SFI1: variants seen among roughly 807,000 people sequenced by gnomAD.
SFI1 encodes SFI1 centrin binding protein, also known as protein SFI1 homolog.
In SFI1, 195 loss-of-function variants were observed where a neutral mutation model predicts 207.5. The ratio of observed to expected loss-of-function variants is 0.94; its 90% CI spans 0.84 to 1.06. The LOEUF is 1.06. Among genes scored for constraint, SFI1 ranks in the 50% least tolerant of loss-of-function variants. The pLI is 0.00. For synonymous variants in SFI1, 630 were observed against 598.9 expected, an observed-to-expected ratio of 1.05 and a Z score of -0.76; for missense variants, 1,634 against 1,588.0, an observed-to-expected ratio of 1.03 and a Z score of -0.49.
chr22:31,594,128 G>T (rs903636210), intron 15 of SFI1, among the ~76,000 whole-genome samples: 2 of 152,118 alleles, frequency 1.3e-5, no homozygotes, highest in African/African-American at 2.4e-5. Context: ...TAGCTTTCTG[G>T]ATCAGAGCAC....
intron 2 of SFI1, among the ~76,000 whole-genome samples, chr22:31,516,066 T>A (rs1275926755): frequency 6.6e-6 from 1 of 152,030 alleles, no homozygotes; most frequent in East Asian, 1.9e-4. Flanking sequence ...TATTCAAGTC[T>A]TATTCCTGTT....
Position 31,515,592 on chromosome 22 carries a change from C to A in SFI1, c.92+7216C>A, listed in dbSNP as rs113688401. Among the ~76,000 whole-genome samples, 1,490 of 150,896 alleles carry A rather than the reference C, an allele frequency of 9.9e-3. 15 individuals carry two copies. The highest frequency in any genetic ancestry group is 0.011 in the Non-Finnish European group (755 of 67,846). The stretch of plus-strand genomic sequence containing the variant: ...TGTAGACAGGGTCTTGCTTGGTTGC[C>A]CACGCTGGTCTTGAACTCCAGAGCT... On this transcript the variant is annotated intron_variant, in intron 2 of 32. Coordinates refer to ENST00000400288, the MANE Select transcript of SFI1 (RefSeq NM_001007467.3).
intron 29 of SFI1, 173 bp downstream of exon 29, chr22:31,615,452 G>A: frequency 2.0e-6 from 1 of 511,318 alleles, no homozygotes; most frequent in Middle Eastern, 5.3e-4. Flanking sequence ...GGCCACAGCA[G>A]TGAACAGCCA....
intron 4 of SFI1, among the ~76,000 whole-genome samples, chr22:31,535,663 C>T (rs575517088): frequency 2.0e-4 from 30 of 152,216 alleles, no homozygotes; most frequent in African/African-American, 6.5e-4. Context: ...GGATTACAGA[C>T]GTGCACCACC....
intron 2 of SFI1, among the ~76,000 whole-genome samples, chr22:31,514,720 A>C (rs1400382108): frequency 2.0e-5 from 3 of 151,468 alleles, no homozygotes; most frequent in African/African-American, 7.3e-5. Flanking sequence ...ATTTCACTTA[A>C]TATAATGTTC....
chr22:31,572,807 C>T (rs1337405409), intron 8 of SFI1: 1 of 322,940 alleles, frequency 3.1e-6, no homozygotes, highest in African/African-American at 2.1e-5. Flanking sequence ...CAGCCATCTG[C>T]TTTCTGCTTG....
chr22:31,605,094 C>A, intron 20 of SFI1, 149 bp downstream of exon 20: 1 of 655,990 alleles, frequency 1.5e-6, no homozygotes. Context: ...TTTTCCACTT[C>A]ACTCACGGGT....
At chr22:31,535,846 T>C (rs183821308) in intron 4 of SFI1, among the ~76,000 whole-genome samples, 10 of 152,220 alleles carry the variant, frequency 6.6e-5, no homozygotes, top group African/African-American at 2.4e-4. Context: ...AATTAATCCT[T>C]CTGCCTCTGC....
At position 31,529,573 on chromosome 22, in the gene SFI1, G is replaced by A. The variant is rs569541875; in HGVS notation, c.266+710G>A. Reference sequence around the variant, plus strand: ...GGTGCTTACCCATGCCAGGTGTTACGCTAGATGCTGAGCATATAAAGTGAG... The same window carrying A: ...GGTGCTTACCCATGCCAGGTGTTACACTAGATGCTGAGCATATAAAGTGAG... On this transcript the variant is annotated intron_variant, in intron 3 of 32. Transcript: ENST00000400288. Among the ~76,000 whole-genome samples the A allele has an allele frequency of 3.1e-4, 47 of 152,252 alleles. 1 individual carries two copies. Among genetic ancestry groups the A allele is most frequent in the East Asian group, 2.1e-3 (11 of 5,184 alleles).
At chr22:31,575,094 GTGTGTGTGTGTGTGT>G in intron 9 of SFI1, 122 bp from the exon 10 acceptor site, 1 of 265,830 alleles carries the variant, frequency 3.8e-6, no homozygotes, top group Non-Finnish European at 5.8e-6. Flanking sequence ...GCGTGTGTGT[GTGTGTGTGTGTGTGT>G]GTGTGTGTGT....
rs558833132 is a variant in SFI1 at position 31,530,985 on chromosome 22, C to T, written c.267-73C>T. On this transcript the variant is annotated intron_variant, in intron 3 of 32. Transcript: ENST00000400288. The stretch of plus-strand genomic sequence containing the variant: ...TGCTGAGACCTTAAAGGCTTCCTTT[C>T]CTTTCCAGAAAACTGCTGATGTAAG... The T allele has an allele frequency of 4.6e-6, 6 of 1,301,274 alleles. No homozygotes were observed. The South Asian group carries it at 5.0e-5, about 11-fold the overall frequency. The allele number at this position is 1,301,274 out of a possible 1,614,324, so 80.6% of individuals were successfully genotyped here.
At chr22:31,588,477 C>T (rs1300091693) in intron 14 of SFI1, among the ~76,000 whole-genome samples, 1 of 152,196 alleles carries the variant, frequency 6.6e-6, no homozygotes, top group African/African-American at 2.4e-5. Flanking sequence ...GATCACTTCT[C>T]AGTGAAGGAG....
At chr22:31,499,675 TGAAAG>T (rs1299978777) in intron 1 of SFI1, among the ~76,000 whole-genome samples, 1 of 152,170 alleles carries the variant, frequency 6.6e-6, no homozygotes. Context: ...AAATCTTTGA[TGAAAG>T]GAAGAGAGTC....
Position 31,614,828 on chromosome 22 carries a change from A to G in SFI1, c.3036A>G (p.Pro1012=). Residue 1012 remains proline, a synonymous_variant, in exon 28 of 33, where the codon CCA becomes CCG. Coordinates refer to ENST00000400288, the MANE Select transcript of SFI1 (RefSeq NM_001007467.3). ...AHSARKQPRR[P]HFLLEPAQSQ... ...CAGCGAGGAAGCAGCCGCGACGCCC[A>G]CACTTCCTGTTGGAGCCTGCGCAGA... is the stretch of plus-strand genomic sequence containing the variant. The G allele has an allele frequency of 6.2e-7, 1 of 1,613,874 alleles. No individual in the cohort carries two copies. Among genetic ancestry groups the G allele is most frequent in the African/African-American group, 1.3e-5 (1 of 75,042 alleles).
chr22:31,573,293 A>G, intron 9 of SFI1, 79 bp downstream of exon 9: 1 of 1,463,754 alleles, frequency 6.8e-7, no homozygotes, highest in Non-Finnish European at 9.2e-7. Context: ...GTACTGTACT[A>G]AGAAGTAATA....
chr22:31,606,431 G>A lies in SFI1; in HGVS notation c.2157+1G>A. ...TTACAGAAGGACCATATGTTCCAAG[G>A]TGAGGTATAAGGAGGCAAGCTGGTC... is the stretch of plus-strand genomic sequence containing the variant. On this transcript the variant is annotated splice_donor_variant, in intron 21 of 32. Coordinates refer to ENST00000400288, the MANE Select transcript of SFI1 (RefSeq NM_001007467.3). LOFTEE classifies it high-confidence loss of function. The A allele has an allele frequency of 1.9e-6, 3 of 1,613,372 alleles. No homozygotes were observed. Among genetic ancestry groups the A allele is most frequent in the South Asian group, 1.1e-5 (1 of 91,064 alleles).
chr22:31,599,233 A>G (rs1272815160), intron 15 of SFI1, among the ~76,000 whole-genome samples: 6 of 152,104 alleles, frequency 3.9e-5, no homozygotes, highest in African/African-American at 7.2e-5. Context: ...GTCAATGATC[A>G]TCTTGAATTT....
intron 20 of SFI1, 133 bp downstream of exon 20, chr22:31,605,078 C>A: frequency 1.4e-6 from 1 of 737,300 alleles, no homozygotes; most frequent in Non-Finnish European, 2.2e-6. Context: ...ATATCATGGT[C>A]TTGGCTTTTC....
At chr22:31,616,976 A>C in intron 30 of SFI1, 24 bp from the exon 31 acceptor site, 1 of 1,613,978 alleles carries the variant, frequency 6.2e-7, no homozygotes. Flanking sequence ...ATAGTCTGAA[A>C]CAAGCTTACT....
Sources: allele counts gnomAD v4.1 joint callset (sites outside exome capture counted in the v4.1 genomes callset), GRCh38; gene constraint gnomAD v4.1.1; transcripts MANE v1.5; gene names NCBI Gene and HGNC (gene_info 2026-07-23, HGNC 2026-07-21).